The following TFAP2B variants were observed in gnomAD, a reference collection of about 807,000 sequenced individuals.
TFAP2B encodes the protein transcription factor AP-2 beta.
A neutral mutation model predicts 44.3 loss-of-function variants in TFAP2B; 9 were observed. That is an observed-to-expected ratio of 0.20 (90% CI 0.12 to 0.35). The LOEUF (loss-of-function observed/expected upper bound fraction) is 0.35. TFAP2B is among the 10% of genes least tolerant of loss of function. The probability of loss-of-function intolerance (pLI) is 1.00; values close to 1 mark genes in which losing one functional copy is unlikely to be tolerated. For synonymous variants in TFAP2B, 270 were observed against 263.8 expected (o/e 1.02, Z -0.23); for missense variants, 509 against 600.0 (o/e 0.85, Z 1.59).
Position 50,840,261 on chromosome 6 carries a change from A to T in TFAP2B, c.1046A>T (p.Asp349Val). Residue 349 changes from aspartate (D) to valine (V), a missense_variant, in exon 6 of 7, where the codon GAC (aspartate) becomes GTC (valine). Physicochemically the swap from Asp to Val is radical, Grantham distance 152. Coordinates refer to ENST00000393655, the MANE Select transcript of TFAP2B (RefSeq NM_003221.4). ...YLNRQHTDPS[D>V]LHSRKNMLLA... Reference sequence around the variant, plus strand: ...AACCGGCAGCACACAGACCCGAGTGACCTGCACTCCCGAAAGAATATGCTG... The same window carrying T: ...AACCGGCAGCACACAGACCCGAGTGTCCTGCACTCCCGAAAGAATATGCTG... 1 of 1,614,086 alleles carries T rather than the reference A, an allele frequency of 6.2e-7. No homozygotes were observed. Among genetic ancestry groups the T allele is most frequent in the Non-Finnish European group, 8.5e-7 (1 of 1,180,028 alleles).
At chr6:50,823,355 C>T (rs1407236433) in intron 1 of TFAP2B, 52 bp from the exon 2 acceptor site, 7 of 1,469,352 alleles carry the variant, frequency 4.8e-6, no homozygotes, top group Non-Finnish European at 6.5e-6. Context: ...CTCTATCTCT[C>T]TTTCTCTGTC....
chr6:50,833,686 G>T (rs1030190709), intron 3 of TFAP2B, among the ~76,000 whole-genome samples: 2 of 152,106 alleles, frequency 1.3e-5, no homozygotes, highest in African/African-American at 4.8e-5. Flanking sequence ...AGCTCTTGTC[G>T]GGTGAATCAG....
intron 3 of TFAP2B, among the ~76,000 whole-genome samples, chr6:50,832,423 A>G (rs1336388841): frequency 1.3e-5 from 2 of 152,164 alleles, no homozygotes; most frequent in Admixed American, 1.3e-4. Flanking sequence ...TCCCTGCTTT[A>G]TTTGTGGAAA....
chr6:50,837,475 G>A lies in TFAP2B; in HGVS notation c.822-500G>A, dbSNP rs183468998. ...CTGTTATTATGATCATCACCATTTC[G>A]ATTTCAGTCTGCCCTCTCCTTTTAA... is the stretch of plus-strand genomic sequence containing the variant. On this transcript the variant is annotated intron_variant, in intron 4 of 6. Coordinates refer to ENST00000393655, the MANE Select transcript of TFAP2B (RefSeq NM_003221.4). 6.8e-3 allele frequency among the ~76,000 whole-genome samples: 1,033 copies of A among 152,172 alleles called. 11 individuals carry two copies. Among genetic ancestry groups the A allele is most frequent in the African/African-American group, 0.023 (956 of 41,512 alleles).
At chr6:50,840,054 G>A (rs915017924) in intron 5 of TFAP2B, 102 bp from the exon 6 acceptor site, 8 of 1,480,544 alleles carry the variant, frequency 5.4e-6, no homozygotes, top group Admixed American at 1.7e-5. Flanking sequence ...CCAACAGCTG[G>A]CCTTCTCTGG....
chr6:50,842,015 T>C (rs9463648), intron 6 of TFAP2B, among the ~76,000 whole-genome samples: 3,912 of 152,360 alleles, frequency 0.026, 168 homozygotes, highest in African/African-American at 0.088. Flanking sequence ...CCTGTTTACC[T>C]GTTGGCTAGG....
At chr6:50,819,397 T>C (rs537744874) in intron 1 of TFAP2B, among the ~76,000 whole-genome samples, 27 of 152,096 alleles carry the variant, frequency 1.8e-4, no homozygotes, top group Admixed American at 5.9e-4. Flanking sequence ...ACTCGGGCTT[T>C]TAATTTTTAT....
intron 3 of TFAP2B, among the ~76,000 whole-genome samples, chr6:50,830,720 G>A (rs911983896): frequency 6.6e-6 from 1 of 152,118 alleles, no homozygotes; most frequent in Admixed American, 6.5e-5. Context: ...ATAAGAATAC[G>A]AGGTTGATTT....
chr6:50,824,197 T>C (rs1033628728), intron 2 of TFAP2B, among the ~76,000 whole-genome samples: 5 of 152,230 alleles, frequency 3.3e-5, no homozygotes, highest in Admixed American at 2.6e-4. Context: ...CTGCATATTC[T>C]CTAGTGCTTT....
At chr6:50,822,530 C>G (rs994145612) in intron 1 of TFAP2B, among the ~76,000 whole-genome samples, 1 of 152,198 alleles carries the variant, frequency 6.6e-6, no homozygotes, top group African/African-American at 2.4e-5. Context: ...CATATACACA[C>G]CTCCCCCTTC....
rs988649284 is a variant in TFAP2B at position 50,828,160 on chromosome 6, A to G, written c.541-459A>G. ...GTGTTGCTGTTTGCATTCCATTCCA[A>G]ATTGCTCAGACTTTAATTAAAATCC... On this transcript the variant is annotated intron_variant, in intron 2 of 6. Transcript: ENST00000393655. Among the ~76,000 whole-genome samples the G allele has an allele frequency of 1.2e-4, 18 of 152,178 alleles. 1 individual carries two copies. Among genetic ancestry groups the G allele is most frequent in the Admixed American group, 3.9e-4 (6 of 15,284 alleles).
At position 50,826,163 on chromosome 6, in the gene TFAP2B, TGGCCTGCACTGGTCCAGTCTTTAAAAG is replaced by T. The variant is rs565504626; in HGVS notation, c.540+2327_540+2353del. On this transcript the variant is annotated intron_variant, in intron 2 of 6. Coordinates refer to ENST00000393655, the MANE Select transcript of TFAP2B (RefSeq NM_003221.4). ...GCTCTCCCTACAGCTATCGAATGGGTGGCCTGCACTGGTCCAGTCTTTAAAAGGGCCTGCACTGGTCCAGTCTTTAAA... is the reference window on the plus strand; with the variant it reads ...GCTCTCCCTACAGCTATCGAATGGGTGGCCTGCACTGGTCCAGTCTTTAAA... Among the ~76,000 whole-genome samples, 125 of 152,218 alleles carry T rather than the reference TGGCCTGCACTGGTCCAGTCTTTAAAAG, an allele frequency of 8.2e-4. 1 individual carries two copies. Among genetic ancestry groups the T allele is most frequent in the African/African-American group, 2.8e-3 (118 of 41,546 alleles).
intron 5 of TFAP2B, 22 bp downstream of exon 5, chr6:50,838,115 T>C (rs1267326661): frequency 1.3e-6 from 2 of 1,563,936 alleles, no homozygotes; most frequent in Non-Finnish European, 1.8e-6. Flanking sequence ...GTGTGGCCAT[T>C]TCACGAAGTG....
chr6:50,836,347 A>G, intron 4 of TFAP2B, 67 bp downstream of exon 4: 1 of 1,355,602 alleles, frequency 7.4e-7, no homozygotes. Context: ...GTTTTTATTT[A>G]TTGGACAGTG....
At chr6:50,842,235 A>G (rs1168666896) in intron 6 of TFAP2B, among the ~76,000 whole-genome samples, 1 of 152,234 alleles carries the variant, frequency 6.6e-6, no homozygotes, top group Non-Finnish European at 1.5e-5. Context: ...GGCTAGAACC[A>G]TCCCATCCAG....
chr6:50,835,150 C>T (rs145738585), intron 3 of TFAP2B, among the ~76,000 whole-genome samples: 3 of 152,236 alleles, frequency 2.0e-5, no homozygotes, highest in African/African-American at 7.2e-5. Flanking sequence ...CTCTTATTAA[C>T]TTCTGCATAA....
intron 1 of TFAP2B, chr6:50,822,216 T>C (rs1190575120): frequency 7.9e-7 from 1 of 1,258,564 alleles, no homozygotes; most frequent in East Asian, 5.6e-5. Flanking sequence ...TCACTGTCTC[T>C]CTGTCTCTGC....
chr6:50,823,118 C>CA (rs1770400883), intron 1 of TFAP2B, among the ~76,000 whole-genome samples: 2 of 152,118 alleles, frequency 1.3e-5, no homozygotes, highest in Admixed American at 1.3e-4. Context: ...TTGCACTCCC[C>CA]AAAAAGCGGC....
At chr6:50,831,250 T>C (rs1015356537) in intron 3 of TFAP2B, among the ~76,000 whole-genome samples, 2 of 152,208 alleles carry the variant, frequency 1.3e-5, no homozygotes, top group Non-Finnish European at 2.9e-5. Flanking sequence ...TTGTTCCCAG[T>C]AGAGAGAGCA....
Sources: allele counts gnomAD v4.1 joint callset (sites outside exome capture counted in the v4.1 genomes callset), GRCh38; gene constraint gnomAD v4.1.1; transcripts MANE v1.5; gene names NCBI Gene and HGNC (gene_info 2026-07-23, HGNC 2026-07-21).